APP: variants seen among roughly 807,000 people sequenced by gnomAD.
APP encodes the protein amyloid-beta precursor protein.
Under a neutral mutation model 101.4 loss-of-function variants are expected in APP, and 31 were observed. The observed-to-expected ratio is 0.31, with a 90% CI of 0.23 to 0.41. APP has a LOEUF of 0.41. Ranked by LOEUF, APP falls within the 10% of genes least tolerant of loss-of-function variation. APP has a pLI of 1.00. For missense variants in APP, 839 were observed against 1,003.7 expected (o/e 0.84, Z 2.22); for synonymous variants, 366 against 364.4 (o/e 1.00, Z -0.05).
chr21:25,963,005 G>A (rs1023091703), intron 11 of APP, among the ~76,000 whole-genome samples: 1 of 151,994 alleles, frequency 6.6e-6, no homozygotes, highest in Non-Finnish European at 1.5e-5. Flanking sequence ...AGTAGAGAAG[G>A]GTTTCACTAT....
intron 15 of APP, among the ~76,000 whole-genome samples, chr21:25,899,988 T>G (rs1167043949): frequency 2.0e-5 from 3 of 152,178 alleles, no homozygotes; most frequent in Non-Finnish European, 4.4e-5. Flanking sequence ...CCCAACTTCT[T>G]GCTACGAGAC....
intron 13 of APP, 53 bp downstream of exon 13, chr21:25,954,537 C>G: frequency 6.7e-7 from 1 of 1,488,232 alleles, no homozygotes; most frequent in South Asian, 1.2e-5. Flanking sequence ...CTCAATTTTC[C>G]TCTGGGGGAA....
chr21:25,918,696 G>A (rs1430922704), intron 13 of APP, among the ~76,000 whole-genome samples: 3 of 151,684 alleles, frequency 2.0e-5, no homozygotes, highest in East Asian at 3.9e-4. Context: ...GGCGCACCAC[G>A]AGACTATATC....
At chr21:26,153,875 C>T (rs1201131963) in intron 1 of APP, among the ~76,000 whole-genome samples, 1 of 152,200 alleles carries the variant, frequency 6.6e-6, no homozygotes, top group African/African-American at 2.4e-5. Context: ...TCAAAGCACT[C>T]AGTCAACATC....
chr21:26,164,224 G>A lies in APP; in HGVS notation c.57+6340C>T, dbSNP rs45467299. Among the ~76,000 whole-genome samples, 545 of 152,336 alleles carry A rather than the reference G, an allele frequency of 3.6e-3. 1 individual carries two copies. Among genetic ancestry groups the A allele is most frequent in the Non-Finnish European group, 5.1e-3 (346 of 68,036 alleles). On this transcript the variant is annotated intron_variant, in intron 1 of 17. Coordinates refer to ENST00000346798, the MANE Select transcript of APP (RefSeq NM_000484.4). Reference sequence around the variant, plus strand: ...CGCACCACTGCATTCCAGCTTGGGCGACAGGGCGAGACTCCGTCTCAAAAA... The same window carrying A: ...CGCACCACTGCATTCCAGCTTGGGCAACAGGGCGAGACTCCGTCTCAAAAA...
intron 1 of APP, among the ~76,000 whole-genome samples, chr21:26,115,111 G>A (rs569609746): frequency 7.2e-5 from 11 of 152,276 alleles, no homozygotes; most frequent in Admixed American, 2.6e-4. Context: ...AAAAATAAAT[G>A]TTTGGAGAAT....
chr21:26,116,434 G>C (rs1172866566), intron 1 of APP, among the ~76,000 whole-genome samples: 4 of 152,212 alleles, frequency 2.6e-5, no homozygotes, highest in Non-Finnish European at 5.9e-5. Context: ...CTGCAGATGT[G>C]AATCTGGAAA....
intron 1 of APP, among the ~76,000 whole-genome samples, chr21:26,145,643 G>C (rs2063139416): frequency 2.0e-5 from 3 of 152,074 alleles, no homozygotes; most frequent in African/African-American, 7.2e-5. Flanking sequence ...TAGTACAAAA[G>C]GTGATAATAT....
chr21:26,100,200 T>C (rs2062026331), intron 2 of APP, among the ~76,000 whole-genome samples: 1 of 142,954 alleles, frequency 7.0e-6, no homozygotes, highest in South Asian at 2.4e-4. Flanking sequence ...TTTTAAAATA[T>C]CCAAACTGGC....
intron 5 of APP, among the ~76,000 whole-genome samples, chr21:26,027,057 A>G (rs1473037342): frequency 6.6e-6 from 1 of 152,208 alleles, no homozygotes; most frequent in East Asian, 1.9e-4. Context: ...GTTAAGACGG[A>G]CTTTTTTCTT....
rs769722329 is a variant in APP, at chr21:25,897,583, T to C, written c.2054A>G (p.His685Arg). ...AATTATTTTACGTACCAATTTTTGA[T>C]GATGAACTTCATATCCTGAGTCATG... ...FRHDSGYEVH[H>R]QKLVFFAEDV... Residue 685 changes from histidine (H) to arginine (R), a missense_variant, in exon 16 of 18, where the codon CAT (histidine) becomes CGT (arginine). By Grantham distance (29) the His-to-Arg change is conservative. Transcript: ENST00000346798. 1.9e-6 allele frequency: 3 copies of C among 1,612,312 alleles called. No individual in the cohort carries two copies. The highest frequency in any genetic ancestry group is 2.5e-6 in the Non-Finnish European group (3 of 1,178,422).
At chr21:25,907,357 A>G (rs1239239872) in intron 14 of APP, among the ~76,000 whole-genome samples, 2 of 152,172 alleles carry the variant, frequency 1.3e-5, no homozygotes, top group Non-Finnish European at 2.9e-5. Flanking sequence ...GGCAATTATG[A>G]TATCATTGCC....
chr21:26,094,651 T>C (rs1456403340), intron 2 of APP, among the ~76,000 whole-genome samples: 1 of 150,108 alleles, frequency 6.7e-6, no homozygotes, highest in African/African-American at 2.4e-5. Flanking sequence ...AATATAAATA[T>C]AGTTCAACAT....
chr21:25,958,410 G>C (rs1475761957), intron 11 of APP, among the ~76,000 whole-genome samples: 2 of 152,098 alleles, frequency 1.3e-5, no homozygotes, highest in Admixed American at 1.3e-4. Flanking sequence ...CTGAGTAGCT[G>C]GGACTACAGG....
chr21:26,034,747 C>G (rs1211864244), intron 5 of APP, among the ~76,000 whole-genome samples: 2 of 151,812 alleles, frequency 1.3e-5, no homozygotes, highest in East Asian at 3.9e-4. Flanking sequence ...GGAACAATGT[C>G]TAAAATTGTG....
chr21:25,900,736 T>TC (rs1181948056), intron 15 of APP, among the ~76,000 whole-genome samples: 1 of 151,966 alleles, frequency 6.6e-6, no homozygotes, highest in Non-Finnish European at 1.5e-5. Context: ...GCACAGTGGC[T>TC]CACACCTGTA....
intron 1 of APP, among the ~76,000 whole-genome samples, chr21:26,137,308 A>G (rs921555685): frequency 1.3e-5 from 2 of 152,240 alleles, no homozygotes; most frequent in African/African-American, 2.4e-5. Context: ...TAAGGTTTCA[A>G]TGAGAGCAAA....
chr21:25,992,133 A>G (rs1314414863), intron 8 of APP, among the ~76,000 whole-genome samples: 1 of 152,240 alleles, frequency 6.6e-6, no homozygotes, highest in Non-Finnish European at 1.5e-5. Flanking sequence ...GTGTAATCGA[A>G]GTACTTCGGG....
intron 2 of APP, 86 bp downstream of exon 2, chr21:26,111,893 A>G (rs544960590): frequency 3.9e-4 from 568 of 1,438,832 alleles, no homozygotes; most frequent in Non-Finnish European, 5.1e-4. Flanking sequence ...GGGTTAAAAT[A>G]CTGATGCAAA....
Sources: gnomAD v4.1 joint callset for allele counts (sites outside exome capture counted in the v4.1 genomes callset) on GRCh38, gnomAD v4.1.1 for gene constraint, MANE v1.5 for transcripts, NCBI Gene and HGNC (gene_info 2026-07-23, HGNC 2026-07-21) for gene names.